Variants in NCAM1 observed in about 807,000 individuals in gnomAD.
NCAM1 encodes the protein antigen recognized by monoclonal antibody 5.1H11.
In NCAM1, 14 loss-of-function variants were observed where a neutral mutation model predicts 109.8. The observed-to-expected ratio is 0.13, with a 90% confidence interval of 0.08 to 0.20. NCAM1 has a LOEUF of 0.20. NCAM1 is among the 10% of genes least tolerant of loss of function. NCAM1 has a pLI of 1.00. For missense variants in NCAM1, 774 were observed against 1,109.9 expected (o/e 0.70, Z 4.30); for synonymous variants, 418 against 442.9 (o/e 0.94, Z 0.70).
intron 1 of NCAM1, among the ~76,000 whole-genome samples, chr11:113,034,905 G>A (rs1253124904): frequency 6.6e-6 from 1 of 152,064 alleles, no homozygotes; most frequent in East Asian, 1.9e-4. Context: ...AAACACATGG[G>A]AAATATTCTG....
chr11:113,064,376 A>G (rs1937843984), intron 1 of NCAM1, among the ~76,000 whole-genome samples: 1 of 152,236 alleles, frequency 6.6e-6, no homozygotes, highest in Non-Finnish European at 1.5e-5. Context: ...TACTTGGGGT[A>G]AAAGAATACA....
chr11:113,046,161 G>A (rs1953260042), intron 1 of NCAM1, among the ~76,000 whole-genome samples: 1 of 152,214 alleles, frequency 6.6e-6, no homozygotes, highest in African/African-American at 2.4e-5. Context: ...AGAAGGCAGA[G>A]TCATAACATT....
At chr11:113,054,675 C>A (rs1953624188) in intron 1 of NCAM1, among the ~76,000 whole-genome samples, 1 of 152,178 alleles carries the variant, frequency 6.6e-6, no homozygotes, top group African/African-American at 2.4e-5. Context: ...CCAAATTGAT[C>A]CAGTCTCCAA....
intron 2 of NCAM1, among the ~76,000 whole-genome samples, chr11:113,202,997 GCT>G (rs1456527702): frequency 6.6e-6 from 1 of 152,184 alleles, no homozygotes; most frequent in African/African-American, 2.4e-5. Context: ...CCCCACCAGA[GCT>G]CTGAGATATG....
chr11:113,218,011 A>G (rs2137056413), intron 8 of NCAM1, among the ~76,000 whole-genome samples: 2 of 152,338 alleles, frequency 1.3e-5, no homozygotes, highest in Middle Eastern at 3.4e-3. Context: ...GACTTTCATT[A>G]GAAATTCACC....
intron 1 of NCAM1, among the ~76,000 whole-genome samples, chr11:112,999,459 A>G: frequency 6.6e-6 from 1 of 152,144 alleles, no homozygotes; most frequent in Admixed American, 6.6e-5. Context: ...CTTGAAAAAA[A>G]CTATTTAAAA....
At chr11:113,254,463 T>C (rs973905254) in intron 15 of NCAM1, among the ~76,000 whole-genome samples, 2 of 152,194 alleles carry the variant, frequency 1.3e-5, no homozygotes, top group South Asian at 2.1e-4. Context: ...GGAAGGATCT[T>C]GTTACAGGTC....
intron 1 of NCAM1, among the ~76,000 whole-genome samples, chr11:113,150,551 G>A (rs1370773117): frequency 1.3e-5 from 2 of 152,138 alleles, no homozygotes; most frequent in African/African-American, 2.4e-5. Context: ...ACCAATATAG[G>A]CGCTGGGAGG....
chr11:113,011,424 C>T (rs978687966), intron 1 of NCAM1, among the ~76,000 whole-genome samples: 1 of 151,764 alleles, frequency 6.6e-6, no homozygotes, highest in East Asian at 1.9e-4. Flanking sequence ...AATAAACATA[C>T]GTGTGCATGT....
At position 113,206,203 on chromosome 11, in the gene NCAM1, G is replaced by T. The variant is rs782517960; in HGVS notation, c.628+23G>T. On this transcript the variant is annotated intron_variant, in intron 5 of 19. Transcript: ENST00000316851. ...ATGGTGAGGAGAGTCCGTTCTTCCTGATCTCTGCATTGCTACAACCTTGGT... is the reference window on the plus strand; with the variant it reads ...ATGGTGAGGAGAGTCCGTTCTTCCTTATCTCTGCATTGCTACAACCTTGGT... The T allele has an allele frequency of 3.1e-6, 5 of 1,587,628 alleles. No individual in the cohort carries two copies. In the South Asian group the frequency reaches 5.9e-5, roughly 19 times the overall value.
intron 9 of NCAM1, 171 bp downstream of exon 9, chr11:113,221,496 A>G: frequency 3.1e-6 from 2 of 642,116 alleles, no homozygotes; most frequent in Non-Finnish European, 5.3e-6. Context: ...ATGAGCAAGC[A>G]AGCTGTGTTG....
intron 1 of NCAM1, among the ~76,000 whole-genome samples, chr11:113,199,977 G>A (rs531276109): frequency 9.5e-4 from 145 of 152,188 alleles, no homozygotes; most frequent in African/African-American, 2.8e-3. Context: ...AAACTCCTCA[G>A]CCTTGCCGTG....
intron 1 of NCAM1, among the ~76,000 whole-genome samples, chr11:113,198,274 A>T (rs1462038895): frequency 6.6e-6 from 1 of 152,116 alleles, no homozygotes; most frequent in South Asian, 2.1e-4. Context: ...TCCCTTACCC[A>T]TATGTAAAAT....
At chr11:113,202,286 T>G in intron 1 of NCAM1, 93 bp from the exon 2 acceptor site, 1 of 1,258,676 alleles carries the variant, frequency 7.9e-7, no homozygotes, top group Non-Finnish European at 1.1e-6. Flanking sequence ...AAGATCTGGG[T>G]TTCATTCTTG....
chr11:113,040,096 C>T (rs12574676), intron 1 of NCAM1, among the ~76,000 whole-genome samples: 40,463 of 152,002 alleles, frequency 0.27, 5,941 homozygotes, highest in East Asian at 0.53. Flanking sequence ...GAGCCGAGAT[C>T]GCGTCACTGC....
Position 113,207,337 on chromosome 11 carries a change from C to T in NCAM1, c.705C>T (p.Cys235=), listed in dbSNP as rs376337341. The change falls in exon 6 of 20, where the codon TGC becomes TGT. Residue 235 remains cysteine (C), a synonymous_variant. Transcript: ENST00000316851. ...ANLGQSVTLV[C]DAEGFPEPTM... ...TCGGCCAGTCCGTCACCCTGGTGTG[C>T]GATGCCGAAGGCTTCCCAGAGCCCA... 4.5e-5 allele frequency: 72 copies of T among 1,613,868 alleles called. No individual in the cohort carries two copies. Among genetic ancestry groups the T allele is most frequent in the East Asian group, 6.7e-5 (3 of 44,890 alleles).
rs35515801 is a variant in NCAM1, at chr11:113,270,219, C to T, written c.2163C>T (p.Thr721=). ...ANGSPTSGLS[T]GAIVGILIVI... The stretch of plus-strand genomic sequence containing the variant: ...GCAGCCCCACCTCAGGCCTGAGCAC[C>T]GGGGCCATCGTGGGCATCCTCATCG... Residue 721 remains threonine, a synonymous_variant, in exon 18 of 20, where the codon ACC becomes ACT. Transcript: ENST00000316851. The T allele has an allele frequency of 1.3e-3, 2,111 of 1,614,018 alleles. 22 individuals are homozygous for T. The African/African-American group carries it at 0.023, about 18-fold the overall frequency.
At chr11:113,215,876 A>T (rs1944512818) in intron 8 of NCAM1, among the ~76,000 whole-genome samples, 2 of 152,224 alleles carry the variant, frequency 1.3e-5, no homozygotes, top group African/African-American at 4.8e-5. Flanking sequence ...GATTTAATGT[A>T]CATTTCAGGG....
At chr11:113,232,622 G>C in intron 11 of NCAM1, 96 bp from the exon 12 acceptor site, 1 of 1,045,238 alleles carries the variant, frequency 9.6e-7, no homozygotes, top group South Asian at 1.4e-5. Context: ...TACTTTACTA[G>C]TTCTGTTTTT....
Sources: gnomAD v4.1 joint callset for allele counts (sites outside exome capture counted in the v4.1 genomes callset) on GRCh38, gnomAD v4.1.1 for gene constraint, MANE v1.5 for transcripts, NCBI Gene and HGNC (gene_info 2026-07-23, HGNC 2026-07-21) for gene names.